Variants in AK9 observed in about 807,000 individuals in gnomAD.
AK9 encodes the protein adenylate kinase 9, also known as adenylate kinase domain containing 1.
In AK9, 191 loss-of-function variants were observed where a neutral mutation model predicts 239.6. The observed-to-expected ratio is 0.80, with a 90% CI of 0.71 to 0.90. AK9 has a LOEUF of 0.90. Ranked by LOEUF, AK9 falls within the 40% of genes least tolerant of loss-of-function variation. The pLI, the probability that AK9 is intolerant of heterozygous loss-of-function variation, is 0.00. For synonymous variants in AK9, 689 were observed against 721.0 expected, an observed-to-expected ratio of 0.96 and a Z score of 0.71; for missense variants, 1,995 against 2,214.7, an observed-to-expected ratio of 0.90 and a Z score of 1.99.
intron 1 of AK9, among the ~76,000 whole-genome samples, chr6:109,683,881 G>C (rs1332993471): frequency 6.6e-6 from 1 of 152,092 alleles, no homozygotes; most frequent in Non-Finnish European, 1.5e-5. Context: ...CTTTCTTCAT[G>C]GAATTGGGAA....
At position 109,612,016 on chromosome 6, in the gene AK9, C is replaced by T. The variant is rs1398005930; in HGVS notation, c.1687G>A (p.Asp563Asn). ...DASQDVKLYS[D>N]TAPTEDLIEE... ...TATACAAATATTAATTTACCTGTAT[C>T]TGAATACAACTTTACATCTTGACTA... Residue 563 changes from aspartate to asparagine, a missense_variant, in exon 16 of 41, where the codon GAT (aspartate) becomes AAT (asparagine). Physicochemically the swap from Asp to Asn is conservative, Grantham distance 23 (BLOSUM62 1). Around this residue, in one of 5 missense-constraint regions of AK9, gnomAD observed 1,290 missense variants for 1,392.7 expected, o/e 0.93. Transcript: ENST00000424296. 1 of 1,511,626 alleles carries T rather than the reference C, an allele frequency of 6.6e-7. No homozygotes were observed. Among genetic ancestry groups the T allele is most frequent in the Non-Finnish European group, 8.9e-7 (1 of 1,122,110 alleles). The allele number at this position is 1,511,626 out of a possible 1,614,324, so 93.6% of individuals were successfully genotyped here. A position where few individuals can be genotyped will look rare whatever the true frequency, so the allele number is the denominator to read the frequency against.
chr6:109,647,019 C>T (rs1429798526), intron 8 of AK9, among the ~76,000 whole-genome samples: 1 of 152,152 alleles, frequency 6.6e-6, no homozygotes, highest in East Asian at 1.9e-4. Context: ...AAATAAAATC[C>T]TTTACAGACA....
intron 28 of AK9, among the ~76,000 whole-genome samples, chr6:109,529,733 C>A (rs1004716276): frequency 2.6e-5 from 4 of 152,250 alleles, no homozygotes; most frequent in African/African-American, 9.6e-5. Flanking sequence ...CATGAGTGTG[C>A]AACCTAGATC....
intron 12 of AK9, among the ~76,000 whole-genome samples, chr6:109,621,919 A>C (rs1466588373): frequency 8.9e-6 from 1 of 112,482 alleles, no homozygotes; most frequent in African/African-American, 3.0e-5. Context: ...AAAACAAAAA[A>C]AAAACAGAAA....
chr6:109,580,299 A>C (rs1788664940), intron 19 of AK9, among the ~76,000 whole-genome samples: 1 of 152,142 alleles, frequency 6.6e-6, no homozygotes, highest in Non-Finnish European at 1.5e-5. Context: ...TTGAAGCACC[A>C]AACCGGCCTT....
chr6:109,625,594 G>A (rs774005264), intron 12 of AK9, among the ~76,000 whole-genome samples: 26 of 152,166 alleles, frequency 1.7e-4, no homozygotes, highest in Non-Finnish European at 3.7e-4. Context: ...GCACATGCGA[G>A]GGATCTGGTT....
intron 25 of AK9, among the ~76,000 whole-genome samples, chr6:109,548,111 G>T (rs1042441351): frequency 6.6e-6 from 1 of 152,028 alleles, no homozygotes; most frequent in African/African-American, 2.4e-5. Context: ...ACACTGTTGT[G>T]GAAATGTAAA....
chr6:109,624,461 T>C (rs949805658), intron 12 of AK9, among the ~76,000 whole-genome samples: 1 of 152,198 alleles, frequency 6.6e-6, no homozygotes, highest in Non-Finnish European at 1.5e-5. Flanking sequence ...CATTCTATTA[T>C]TAGACTTCGT....
chr6:109,610,559 T>G (rs1192027185), intron 16 of AK9, 46 bp from the exon 17 acceptor site: 6 of 1,503,440 alleles, frequency 4.0e-6, no homozygotes, highest in African/African-American at 1.4e-5. Context: ...ATAATTTTAG[T>G]GGACAATACT....
intron 27 of AK9, among the ~76,000 whole-genome samples, chr6:109,535,770 A>G (rs1781892750): frequency 6.6e-6 from 1 of 152,144 alleles, no homozygotes; most frequent in Non-Finnish European, 1.5e-5. Context: ...TCCATCTTGA[A>G]TTAATTTTTG....
rs79333011 is a variant in AK9 at position 109,503,531 on chromosome 6, G to A, written c.4849+2796C>T. ...AAACCTTGGCCTCCTGGTAGGAGAG[G>A]ATCATTTGAACAGTAAACAAAGGAA... On this transcript the variant is annotated intron_variant, in intron 35 of 40. Transcript: ENST00000424296. Among the ~76,000 whole-genome samples the A allele has an allele frequency of 1.1e-3, 172 of 152,150 alleles. 1 individual carries two copies. Among genetic ancestry groups the A allele is most frequent in the African/African-American group, 3.9e-3 (162 of 41,484 alleles).
At chr6:109,619,367 A>G (rs1794557221) in intron 12 of AK9, 131 bp from the exon 13 acceptor site, 2 of 1,041,406 alleles carry the variant, frequency 1.9e-6, no homozygotes, top group Non-Finnish European at 2.6e-6. Context: ...TGCTTGAGGT[A>G]TATTTGGAGT....
intron 5 of AK9, among the ~76,000 whole-genome samples, chr6:109,671,009 A>G (rs1371336276): frequency 6.6e-6 from 1 of 152,140 alleles, no homozygotes; most frequent in East Asian, 1.9e-4. Context: ...ACCTGTCTAC[A>G]TATGTGGATA....
intron 10 of AK9, among the ~76,000 whole-genome samples, chr6:109,638,795 T>A (rs1213178158): frequency 1.3e-5 from 2 of 151,920 alleles, no homozygotes; most frequent in Non-Finnish European, 2.9e-5. Flanking sequence ...ATGCTATCCC[T>A]CCCCCAGATC....
intron 29 of AK9, among the ~76,000 whole-genome samples, chr6:109,524,665 T>C (rs1780247299): frequency 6.6e-6 from 1 of 152,160 alleles, no homozygotes; most frequent in African/African-American, 2.4e-5. Flanking sequence ...TCTGGATAAA[T>C]GGAAAACAAG....
chr6:109,634,786 C>A (rs920394223), intron 10 of AK9, among the ~76,000 whole-genome samples: 3 of 152,214 alleles, frequency 2.0e-5, no homozygotes, highest in African/African-American at 7.2e-5. Context: ...GGACTGAAAC[C>A]ATGCCCAGTT....
intron 29 of AK9, chr6:109,528,625 TTGCAC>T (rs1780820479): frequency 2.2e-6 from 1 of 460,508 alleles, no homozygotes; most frequent in Non-Finnish European, 4.4e-6. Context: ...GCAGTTGCAG[TTGCAC>T]TGTACAATAT....
intron 8 of AK9, among the ~76,000 whole-genome samples, chr6:109,651,909 T>C (rs1799011546): frequency 6.6e-6 from 1 of 152,114 alleles, no homozygotes; most frequent in South Asian, 2.1e-4. Context: ...GAGGCAATAA[T>C]TAATAGCCTA....
rs1328103354 is a variant in AK9 at position 109,508,439 on chromosome 6, T to TAATTCA, written c.4481+739_4481+740insTGAATT. The stretch of plus-strand genomic sequence containing the variant: ...CAGGGAGGAGGTAATTCAATCTGGG[T>TAATTCA]AAGTCCCGGGCCTTTTCTGGGGATA... On this transcript the variant is annotated intron_variant, in intron 33 of 40. Transcript: ENST00000424296. 2.0e-4 allele frequency among the ~76,000 whole-genome samples: 30 copies of TAATTCA among 152,280 alleles called. No individual in the cohort carries two copies. In the South Asian group the frequency reaches 6.2e-3, roughly 32 times the overall value.
Sources: allele counts gnomAD v4.1 joint callset (sites outside exome capture counted in the v4.1 genomes callset), GRCh38; gene constraint gnomAD v4.1.1; regional missense constraint gnomAD v4.1.1; transcripts MANE v1.5; gene names NCBI Gene and HGNC (gene_info 2026-07-23, HGNC 2026-07-21).